PLCB1: variants seen among roughly 807,000 people sequenced by gnomAD.
The protein encoded by PLCB1 is phospholipase C beta 1.
Under a neutral mutation model 161.8 loss-of-function variants are expected in PLCB1, and 46 were observed. The observed-to-expected ratio is 0.28, with a 90% CI of 0.22 to 0.36. PLCB1 has a LOEUF of 0.36. PLCB1 is among the 10% of genes least tolerant of loss of function. PLCB1 has a pLI of 1.00. For missense variants in PLCB1, 1,016 were observed against 1,472.5 expected (o/e 0.69, Z 5.07); for synonymous variants, 517 against 503.7 (o/e 1.03, Z -0.35).
chr20:8,724,018 G>A (rs926643482), intron 15 of PLCB1, among the ~76,000 whole-genome samples: 6 of 151,120 alleles, frequency 4.0e-5, no homozygotes, highest in Non-Finnish European at 5.9e-5. Context: ...TTACGAATCC[G>A]ATGAGAACAC....
chr20:8,879,884 G>A (rs1006087968), intron 31 of PLCB1, among the ~76,000 whole-genome samples: 1 of 152,140 alleles, frequency 6.6e-6, no homozygotes, highest in African/African-American at 2.4e-5. Flanking sequence ...TGCAGATGGA[G>A]GATGCACAGC....
Position 8,132,588 on chromosome 20 carries a change from C to CCCGCGCA in PLCB1, c.-62_-56dup, listed in dbSNP as rs1402387102. 3 of 1,086,294 alleles carry CCCGCGCA rather than the reference C, an allele frequency of 2.8e-6. No individual in the cohort carries two copies. The highest frequency in any genetic ancestry group is 3.2e-5 in the East Asian group (1 of 31,488). The allele number at this position is 1,086,294 out of a possible 1,614,324, so 67.3% of individuals were successfully genotyped here. On this transcript the variant is annotated 5_prime_UTR_variant, in exon 1 of 32. Coordinates refer to ENST00000338037, the MANE Select transcript of PLCB1 (RefSeq NM_015192.4). This position sits in a 1 kb window ranked among gnomAD's most constrained non-coding sequence, Gnocchi z 5.2. ...GGAGCCCGCGCCCCGCGCCCCGCGCCCCGCGCACGGTCCCCAGTCCCTGCC... is the reference window on the plus strand; with the variant it reads ...GGAGCCCGCGCCCCGCGCCCCGCGCCCCGCGCACCGCGCACGGTCCCCAGTCCCTGCC...
intron 3 of PLCB1, among the ~76,000 whole-genome samples, chr20:8,476,067 G>C (rs1025965925): frequency 6.6e-6 from 1 of 152,122 alleles, no homozygotes; most frequent in Non-Finnish European, 1.5e-5. Flanking sequence ...GGAGTTTAAG[G>C]CTATTACAGT....
At chr20:8,651,461 G>C (rs771263802) in intron 7 of PLCB1, 8 of 727,744 alleles carry the variant, frequency 1.1e-5, no homozygotes, top group African/African-American at 5.2e-5. Context: ...CTGTGGAAAG[G>C]CTCCCCCAAA....
chr20:8,309,239 T>C lies in PLCB1; in HGVS notation c.178-62143T>C, dbSNP rs1373610566. ...AAGGACTTCTGTGAACAAGGGGGTA[T>C]GCTTTTCTAAAAATGATTTGATTAA... On this transcript the variant is annotated intron_variant, in intron 2 of 31. Coordinates refer to ENST00000338037, the MANE Select transcript of PLCB1 (RefSeq NM_015192.4). 2.6e-5 allele frequency among the ~76,000 whole-genome samples: 4 copies of C among 152,294 alleles called. 1 individual carries two copies. The South Asian group carries it at 8.3e-4, about 32-fold the overall frequency.
intron 7 of PLCB1, chr20:8,651,746 T>C: frequency 2.3e-6 from 1 of 430,868 alleles, no homozygotes; most frequent in Non-Finnish European, 4.1e-6. Context: ...GGGGAAGTGC[T>C]ATAAAAAGAA....
intron 3 of PLCB1, among the ~76,000 whole-genome samples, chr20:8,481,034 G>T (rs1392388274): frequency 1.3e-5 from 2 of 152,122 alleles, no homozygotes; most frequent in Admixed American, 6.5e-5. Flanking sequence ...AATCGGGGAG[G>T]CAAAGGTTGC....
chr20:8,841,424 C>T (rs537216790), intron 31 of PLCB1, among the ~76,000 whole-genome samples: 17 of 152,098 alleles, frequency 1.1e-4, no homozygotes, highest in Non-Finnish European at 1.6e-4. Context: ...TTATTTTTCC[C>T]CTTGTGGGAA....
At position 8,217,801 on chromosome 20, in the gene PLCB1, T is replaced by C. The variant is rs76597861; in HGVS notation, c.177+67430T>C. 2.7e-3 allele frequency among the ~76,000 whole-genome samples: 409 copies of C among 152,162 alleles called. 4 individuals carry two copies. The highest frequency in any genetic ancestry group is 9.3e-3 in the African/African-American group (388 of 41,532). The stretch of plus-strand genomic sequence containing the variant: ...CAATGTCATTATTGCAGGAGTGGGA[T>C]AGTTATTGCGGAAGTGGGTTCCTGA... On this transcript the variant is annotated intron_variant, in intron 2 of 31. Coordinates refer to ENST00000338037, the MANE Select transcript of PLCB1 (RefSeq NM_015192.4).
At chr20:8,211,580 T>C (rs1978824710) in intron 2 of PLCB1, among the ~76,000 whole-genome samples, 1 of 152,142 alleles carries the variant, frequency 6.6e-6, no homozygotes, top group Admixed American at 6.6e-5. Flanking sequence ...GATTGGTCTA[T>C]ATAAATCTTC....
At position 8,357,207 on chromosome 20, in the gene PLCB1, G is replaced by A. The variant is rs1425053942; in HGVS notation, c.178-14175G>A. On this transcript the variant is annotated intron_variant, in intron 2 of 31. Transcript: ENST00000338037. ...AATTCAGTTTTTCTAAACTGTAGAGGATAAAGTGTTTTATCATAACATTAC... is the reference window on the plus strand; with the variant it reads ...AATTCAGTTTTTCTAAACTGTAGAGAATAAAGTGTTTTATCATAACATTAC... 3.9e-5 allele frequency among the ~76,000 whole-genome samples: 6 copies of A among 152,242 alleles called. No homozygotes were observed. The East Asian group carries it at 1.2e-3, about 29-fold the overall frequency.
At chr20:8,198,216 T>G (rs1014079040) in intron 2 of PLCB1, among the ~76,000 whole-genome samples, 2 of 152,138 alleles carry the variant, frequency 1.3e-5, no homozygotes, top group Non-Finnish European at 2.9e-5. Flanking sequence ...GGTAGCTTGA[T>G]GGGGATGGCA....
chr20:8,628,188 A>G, intron 3 of PLCB1, 106 bp from the exon 4 acceptor site: 1 of 911,302 alleles, frequency 1.1e-6, no homozygotes, highest in South Asian at 1.6e-5. Context: ...GTAAGAATAA[A>G]AGCAACTTTG....
At chr20:8,270,203 C>CTG (rs1180629034) in intron 2 of PLCB1, among the ~76,000 whole-genome samples, 1 of 152,152 alleles carries the variant, frequency 6.6e-6, no homozygotes, top group African/African-American at 2.4e-5. Context: ...CTAAGAGTAC[C>CTG]TGTGTGTGCA....
chr20:8,743,941 T>C lies in PLCB1; in HGVS notation c.2523+2368T>C, dbSNP rs6056052. Among the ~76,000 whole-genome samples the C allele has an allele frequency of 6.8e-3, 1,033 of 152,258 alleles. 13 individuals are homozygous for C. The highest frequency in any genetic ancestry group is 0.022 in the African/African-American group (929 of 41,568). On this transcript the variant is annotated intron_variant, in intron 23 of 31. Transcript: ENST00000338037. ...CCAAAGGTTCTCAAATTCTTTTCTC[T>C]TTTTCCTGCTTTACTTAATAGCATA... is the stretch of plus-strand genomic sequence containing the variant.
intron 3 of PLCB1, among the ~76,000 whole-genome samples, chr20:8,446,881 A>G (rs1021650432): frequency 1.3e-5 from 2 of 152,144 alleles, no homozygotes; most frequent in Admixed American, 6.5e-5. Flanking sequence ...TTAAGTCATC[A>G]TGGAAGATGT....
intron 3 of PLCB1, among the ~76,000 whole-genome samples, chr20:8,417,212 G>A (rs1368307603): frequency 6.8e-6 from 1 of 146,916 alleles, no homozygotes; most frequent in African/African-American, 2.5e-5. Flanking sequence ...TCAGCCTCCT[G>A]AGTAGCTGGG....
chr20:8,858,603 T>C (rs1393287816), intron 31 of PLCB1, among the ~76,000 whole-genome samples: 3 of 152,100 alleles, frequency 2.0e-5, no homozygotes, highest in Admixed American at 2.0e-4. Flanking sequence ...GATTGTATGA[T>C]TCCACTGGGG....
chr20:8,438,875 A>C (rs1056769214), intron 3 of PLCB1, among the ~76,000 whole-genome samples: 1 of 151,900 alleles, frequency 6.6e-6, no homozygotes, highest in African/African-American at 2.4e-5. Flanking sequence ...CAAGGCACCC[A>C]CTCTGCTTTT....
Sources: gnomAD v4.1 joint callset for allele counts (sites outside exome capture counted in the v4.1 genomes callset) on GRCh38, gnomAD v4.1.1 for gene constraint, Gnocchi (gnomAD v3.1) non-coding constraint, MANE v1.5 for transcripts, NCBI Gene and HGNC (gene_info 2026-07-23, HGNC 2026-07-21) for gene names.